The following TRIM27 variants were observed in gnomAD, a reference collection of about 807,000 sequenced individuals.
TRIM27 encodes tripartite motif containing 27.
In TRIM27, 12 loss-of-function variants were observed where a neutral mutation model predicts 57.6. The observed-to-expected ratio is 0.21, with a 90% CI of 0.13 to 0.34. The LOEUF is 0.34. Ranked by LOEUF, TRIM27 falls within the 10% of genes least tolerant of loss-of-function variation. The pLI, the probability that TRIM27 is intolerant of heterozygous loss-of-function variation, is 1.00. For missense variants in TRIM27, 403 were observed against 656.8 expected (o/e 0.61, Z 4.22); for synonymous variants, 266 against 259.0 (o/e 1.03, Z -0.26).
intron 7 of TRIM27, chr6:28,906,573 T>C (rs1379687808): frequency 1.3e-5 from 2 of 152,104 alleles, no homozygotes; most frequent in African/African-American, 4.8e-5. Context: ...AAAGTACTCA[T>C]TTAATACTTG....
Position 28,923,689 on chromosome 6 carries a change from G to A in TRIM27, c.-57C>T, listed in dbSNP as rs1040984919. 4 of 1,444,494 alleles carry A rather than the reference G, an allele frequency of 2.8e-6. No individual in the cohort carries two copies. Among genetic ancestry groups the A allele is most frequent in the African/African-American group, 1.4e-5 (1 of 69,654 alleles). The allele number at this position is 1,444,494 out of a possible 1,614,324, so 89.5% of individuals were successfully genotyped here. On this transcript the variant is annotated 5_prime_UTR_variant, in exon 1 of 8. Coordinates refer to ENST00000377199, the MANE Select transcript of TRIM27 (RefSeq NM_006510.5). ...GCCCCGGCGCCGAGCTCTGCACTGA[G>A]CCCAACTCTCCGGCGCTCTCTCCGG...
chr6:28,907,269 G>T lies in TRIM27; in HGVS notation c.920-7C>A. 1.9e-6 allele frequency: 3 copies of T among 1,610,838 alleles called. No homozygotes were observed. The highest frequency in any genetic ancestry group is 2.5e-6 in the Non-Finnish European group (3 of 1,179,282). On this transcript the variant is annotated splice_polypyrimidine_tract_variant and splice_region_variant and intron_variant, in intron 6 of 7. Coordinates refer to ENST00000377199, the MANE Select transcript of TRIM27 (RefSeq NM_006510.5). The stretch of plus-strand genomic sequence containing the variant: ...AACTGAGCCTCTCTTAATTCTGAAA[G>T]AATAAAAGAGCAAAGTTATGGAAGT...
At chr6:28,915,519 G>A (rs3132382) in intron 3 of TRIM27, 7,891 of 152,238 alleles carry the variant, frequency 0.052, 333 homozygotes, top group Non-Finnish European at 0.09. Context: ...TGAGGCAGGA[G>A]ACTCACTCAG....
At chr6:28,912,106 C>CTTT (rs9280507) in intron 3 of TRIM27, among the ~76,000 whole-genome samples, 7 of 136,352 alleles carry the variant, frequency 5.1e-5, no homozygotes, top group Non-Finnish European at 6.3e-5. Flanking sequence ...CTCCAGTATA[C>CTTT]TTTTTTTTTT....
Position 28,904,752 on chromosome 6 carries a change from A to C in TRIM27, c.947-87T>G. The C allele has an allele frequency of 7.8e-6, 7 of 902,430 alleles. No individual in the cohort carries two copies. Among genetic ancestry groups the C allele is most frequent in the South Asian group, 1.7e-5 (1 of 58,014 alleles). 55.9% of individuals were successfully genotyped at this position (902,430 alleles called of 1,614,324 possible). On this transcript the variant is annotated intron_variant, in intron 7 of 7. Coordinates refer to ENST00000377199, the MANE Select transcript of TRIM27 (RefSeq NM_006510.5). The surrounding 1 kb of genome is among the most constrained non-coding windows in gnomAD (Gnocchi z 6.1). The stretch of plus-strand genomic sequence containing the variant: ...GCGCCTTTCTACTACCTCCCCAATA[A>C]TAAGAGGTTCCCACTGGAGGTTGCA...
At position 28,904,203 on chromosome 6, in the gene TRIM27, A is replaced by T; in HGVS notation, c.1409T>A (p.Val470Asp). Residue 470 changes from valine (V) to aspartate (D), a missense_variant, in exon 8 of 8, where the codon GTC becomes GAC. Physicochemically the swap from Val to Asp is radical, Grantham distance 152. Transcript: ENST00000377199. The surrounding 1 kb of genome is among the most constrained non-coding windows in gnomAD (Gnocchi z 6.1). ...GTAACTCAGACTGAAGTAGGGCCGG[A>T]CAGGCCCACAAAAGGTAGCATGAGA... The part of the protein sequence containing the change: ...TFSHATFCGP[V>D]RPYFSLSYSG... 1 of 1,613,094 alleles carries T rather than the reference A, an allele frequency of 6.2e-7. No individual in the cohort carries two copies. Among genetic ancestry groups the T allele is most frequent in the Non-Finnish European group, 8.5e-7 (1 of 1,180,034 alleles).
intron 2 of TRIM27, among the ~76,000 whole-genome samples, chr6:28,920,601 A>C (rs1463084624): frequency 6.6e-6 from 1 of 152,170 alleles, no homozygotes; most frequent in Non-Finnish European, 1.5e-5. Flanking sequence ...ACAAGAATTC[A>C]CCACATAGGC....
chr6:28,923,153 T>A, intron 1 of TRIM27, 60 bp downstream of exon 1: 1 of 1,466,548 alleles, frequency 6.8e-7, no homozygotes. Flanking sequence ...GGAAGCCCCT[T>A]TGGCTCTCTC....
chr6:28,918,263 C>T (rs1773761949), intron 3 of TRIM27, among the ~76,000 whole-genome samples: 1 of 152,148 alleles, frequency 6.6e-6, no homozygotes, highest in Non-Finnish European at 1.5e-5. Context: ...ACTCCATAAT[C>T]CTGTCTCGTC....
chr6:28,915,293 TAAAAAAAAAA>T (rs9256952), intron 3 of TRIM27: 1 of 111,982 alleles, frequency 8.9e-6, no homozygotes, highest in Non-Finnish European at 1.8e-5. Context: ...AAAATATTCT[TAAAAAAAAAA>T]AAAAAAAAAA....
At chr6:28,905,579 T>C (rs2150457891) in intron 7 of TRIM27, 1 of 152,616 alleles carries the variant, frequency 6.6e-6, no homozygotes, top group South Asian at 1.9e-4. Context: ...TTTTTTGAGA[T>C]GAGGTCTCAC....
In TRIM27 at chr6:28,919,980, G is replaced by A. The variant is rs778317714; in HGVS notation, c.747+32C>T. 5 of 1,587,672 alleles carry A rather than the reference G, an allele frequency of 3.1e-6. No homozygotes were observed. In the African/African-American group the frequency reaches 4.0e-5, roughly 13 times the overall value. ...GGAGAAGGGACGATATTTTCAGTGG[G>A]TGCTGCTCTAGCAGGGCTCTGCAAG... On this transcript the variant is annotated intron_variant, in intron 3 of 7. Coordinates refer to ENST00000377199, the MANE Select transcript of TRIM27 (RefSeq NM_006510.5).
intron 3 of TRIM27, among the ~76,000 whole-genome samples, chr6:28,913,744 TTGTC>T (rs1461933923): frequency 6.6e-6 from 1 of 152,144 alleles, no homozygotes; most frequent in Non-Finnish European, 1.5e-5. Context: ...CTTTTGCAGC[TTGTC>T]TATTTGTGCC....
chr6:28,904,646 T>A lies in TRIM27; in HGVS notation c.966A>T (p.Pro322=), dbSNP rs760290304. 3.1e-6 allele frequency: 5 copies of A among 1,598,564 alleles called. No individual in the cohort carries two copies. Among genetic ancestry groups the A allele is most frequent in the Admixed American group, 3.3e-5 (2 of 59,980 alleles). ...QLYSVDVTLD[P]DTAYPSLILS... is the part of the protein sequence containing the mutation. ...GGATCAGGCTGGGGTAGGCCGTGTC[T>A]GGGTCCAGAGTCACGTCCACTGTAG... Residue 322 remains proline, a synonymous_variant, in exon 8 of 8, where the codon CCA becomes CCT. Coordinates refer to ENST00000377199, the MANE Select transcript of TRIM27 (RefSeq NM_006510.5). The surrounding 1 kb of genome is among the most constrained non-coding windows in gnomAD (Gnocchi z 6.1).
Position 28,903,821 on chromosome 6 carries a change from G to T in TRIM27, c.*249C>A. 1.8e-6 allele frequency: 1 copy of T among 547,890 alleles called. No homozygotes were observed. Among genetic ancestry groups the T allele is most frequent in the Non-Finnish European group, 3.2e-6 (1 of 308,702 alleles). 33.9% of individuals were successfully genotyped at this position (547,890 alleles called of 1,614,324 possible). ...ATCCCTCCAGCGATGTGTAAAACCA[G>T]AAAGTATGAAACACTGGAGGTGGAC... On this transcript the variant is annotated 3_prime_UTR_variant, in exon 8 of 8. Transcript: ENST00000377199.
rs1391752096 is a variant in TRIM27, at chr6:28,923,553, A to G, written c.80T>C (p.Met27Thr). Reference protein sequence around the residue: ...PVCLQYFAEPMMLDCGHNICC... With the variant: ...PVCLQYFAEPTMLDCGHNICC... Reference sequence around the variant, plus strand: ...GATGTTATGGCCGCAGTCGAGCATCATGGGCTCTGCGAAGTACTGCAGGCA... The same window carrying G: ...GATGTTATGGCCGCAGTCGAGCATCGTGGGCTCTGCGAAGTACTGCAGGCA... Residue 27 changes from methionine (M) to threonine (T), a missense_variant, in exon 1 of 8, where the codon ATG (methionine) becomes ACG (threonine). Met to Thr is a moderately conservative substitution (Grantham distance 81, BLOSUM62 -1). Coordinates refer to ENST00000377199, the MANE Select transcript of TRIM27 (RefSeq NM_006510.5). The G allele has an allele frequency of 1.9e-6, 3 of 1,611,394 alleles. No homozygotes were observed. In the African/African-American group the frequency reaches 4.0e-5, roughly 22 times the overall value.
At position 28,904,086 on chromosome 6, in the gene TRIM27, A is replaced by G. The variant is rs1772587135; in HGVS notation, c.1526T>C (p.Met509Thr). ...SGHVGNHGHS[M>T]ETSP Reference sequence around the variant, plus strand: ...TTCACCTCCTCAAGGGGAGGTCTCCATGGAATGACCATGATTCCCAACATG... The same window carrying G: ...TTCACCTCCTCAAGGGGAGGTCTCCGTGGAATGACCATGATTCCCAACATG... The change falls in exon 8 of 8, where the codon ATG (methionine) becomes ACG (threonine). Residue 509 changes from methionine to threonine, a missense_variant. By Grantham distance (81) the Met-to-Thr change is moderately conservative. Coordinates refer to ENST00000377199, the MANE Select transcript of TRIM27 (RefSeq NM_006510.5). The surrounding 1 kb of genome is among the most constrained non-coding windows in gnomAD (Gnocchi z 6.1). 1 of 1,612,780 alleles carries G rather than the reference A, an allele frequency of 6.2e-7. No individual in the cohort carries two copies. The highest frequency in any genetic ancestry group is 1.3e-5 in the African/African-American group (1 of 74,924).
rs1772543229 is a variant in TRIM27, at chr6:28,903,553, A to C, written c.*517T>G. 4.2e-6 allele frequency: 1 copy of C among 236,260 alleles called. No homozygotes were observed. Among genetic ancestry groups the C allele is most frequent in the Non-Finnish European group, 8.3e-6 (1 of 120,148 alleles). The allele number at this position is 236,260 out of a possible 1,614,324, so 14.6% of individuals were successfully genotyped here. On this transcript the variant is annotated 3_prime_UTR_variant, in exon 8 of 8. Coordinates refer to ENST00000377199, the MANE Select transcript of TRIM27 (RefSeq NM_006510.5). Reference sequence around the variant, plus strand: ...ACAGGCTTCTTTAATGGAGTTAATAAAACTATGGCACATTGGGAATCAGGG... The same window carrying C: ...ACAGGCTTCTTTAATGGAGTTAATACAACTATGGCACATTGGGAATCAGGG...
At position 28,923,641 on chromosome 6, in the gene TRIM27, C is replaced by T; in HGVS notation, c.-9G>A. The stretch of plus-strand genomic sequence containing the variant: ...ACACTCCCGGAGGCCATGGCGCCGG[C>T]CTGCGGGGGCGCACGGGCATGGGCC... On this transcript the variant is annotated 5_prime_UTR_variant, in exon 1 of 8. Transcript: ENST00000377199. 6.4e-7 allele frequency: 1 copy of T among 1,554,264 alleles called. No individual in the cohort carries two copies. The highest frequency in any genetic ancestry group is 2.3e-5 in the East Asian group (1 of 42,724).
Sources: gnomAD v4.1 joint callset for allele counts (sites outside exome capture counted in the v4.1 genomes callset) on GRCh38, gnomAD v4.1.1 for gene constraint, Gnocchi (gnomAD v3.1) non-coding constraint, MANE v1.5 for transcripts, NCBI Gene and HGNC (gene_info 2026-07-23, HGNC 2026-07-21) for gene names.